Variants in C5orf34 observed in about 807,000 individuals in gnomAD.
C5orf34 encodes the protein chromosome 5 open reading frame 34.
A neutral mutation model predicts 78.4 loss-of-function variants in C5orf34; 73 were observed. The observed-to-expected ratio is 0.93, with a 90% CI of 0.77 to 1.13. The LOEUF (loss-of-function observed/expected upper bound fraction) is 1.13, where lower values mean the gene tolerates loss of function less well. Ranked by LOEUF, C5orf34 falls within the 50% of genes most tolerant of loss-of-function variation. The pLI, the probability that C5orf34 is intolerant of heterozygous loss-of-function variation, is 0.00. For synonymous variants in C5orf34, 251 were observed against 246.6 expected (o/e 1.02, Z -0.17); for missense variants, 730 against 732.7 (o/e 1.00, Z 0.04).
At chr5:43,506,497 TTG>T in intron 3 of C5orf34, 103 bp from the exon 4 acceptor site, 2 of 1,206,612 alleles carry the variant, frequency 1.7e-6, no homozygotes, top group South Asian at 1.7e-5. Flanking sequence ...TCTTAAATAT[TTG>T]TGTTTTACTA....
intron 6 of C5orf34, chr5:43,496,029 C>T: frequency 6.3e-7 from 1 of 1,591,502 alleles, no homozygotes; most frequent in Non-Finnish European, 8.5e-7. Context: ...TGTTTCACAC[C>T]CAGTGTGTAA....
intron 1 of C5orf34, among the ~76,000 whole-genome samples, chr5:43,513,218 A>G (rs1406866130): frequency 1.3e-5 from 2 of 152,178 alleles, no homozygotes; most frequent in African/African-American, 4.8e-5. Context: ...AGATTCACAC[A>G]CTTTTAATTA....
chr5:43,493,025 T>G (rs1163517689), intron 8 of C5orf34, 135 bp from the exon 9 acceptor site: 26 of 572,874 alleles, frequency 4.5e-5, no homozygotes, highest in Non-Finnish European at 6.7e-5. Flanking sequence ...TATTTTAATT[T>G]TTCCAGAAGT....
rs768654460 is a variant in C5orf34 at position 43,502,522 on chromosome 5, A to AT, written c.1029-28dup. ...TAAGAAATAGAAATAACCATTAAAA[A>AT]TTTTTTTCCACTTGAGATTAAAACA... is the stretch of plus-strand genomic sequence containing the variant. On this transcript the variant is annotated intron_variant, in intron 5 of 12. Coordinates refer to ENST00000306862, the MANE Select transcript of C5orf34 (RefSeq NM_198566.4). 20 of 1,437,534 alleles carry AT rather than the reference A, an allele frequency of 1.4e-5. No homozygotes were observed. In the Admixed American group the frequency reaches 3.8e-4, roughly 27 times the overall value. The allele number at this position is 1,437,534 out of a possible 1,614,324, so 89.0% of individuals were successfully genotyped here. A position where few individuals can be genotyped will look rare whatever the true frequency, so the allele number is the denominator to read the frequency against.
Position 43,492,324 on chromosome 5 carries a change from A to C in C5orf34, c.1486-15T>G, listed in dbSNP as rs755774169. Reference sequence around the variant, plus strand: ...CCTTGATTTACCTGAAGAAGTAGAAAGATAAGTTTTATCATTTTAGAACTG... The same window carrying C: ...CCTTGATTTACCTGAAGAAGTAGAACGATAAGTTTTATCATTTTAGAACTG... On this transcript the variant is annotated splice_polypyrimidine_tract_variant and intron_variant, in intron 9 of 12. Transcript: ENST00000306862. 2 of 1,523,524 alleles carry C rather than the reference A, an allele frequency of 1.3e-6. No individual in the cohort carries two copies. Among genetic ancestry groups the C allele is most frequent in the South Asian group, 2.3e-5 (2 of 86,680 alleles). 94.4% of individuals were successfully genotyped at this position (1,523,524 alleles called of 1,614,324 possible).
chr5:43,492,685 A>G (rs776916246), intron 9 of C5orf34, 35 bp downstream of exon 9: 17 of 1,542,716 alleles, frequency 1.1e-5, no homozygotes, highest in Non-Finnish European at 1.5e-5. Flanking sequence ...ACAGATTACC[A>G]ATAAAAAATA....
At chr5:43,503,579 G>T (rs903664832) in intron 5 of C5orf34, 86 bp downstream of exon 5, 27 of 887,138 alleles carry the variant, frequency 3.0e-5, no homozygotes, top group Non-Finnish European at 4.8e-5. Flanking sequence ...TCTTCTGAGA[G>T]TCTGTCTATA....
intron 1 of C5orf34, among the ~76,000 whole-genome samples, chr5:43,512,372 C>G (rs1029648123): frequency 1.3e-5 from 2 of 152,342 alleles, no homozygotes; most frequent in East Asian, 1.9e-4. Flanking sequence ...ATAAACAGCT[C>G]AAGTGTAGTA....
Position 43,501,322 on chromosome 5 carries a change from AT to A in C5orf34, c.1152+1049del, listed in dbSNP as rs1375204990. Among the ~76,000 whole-genome samples the A allele has an allele frequency of 2.0e-5, 3 of 148,584 alleles. No homozygotes were observed. In the East Asian group the frequency reaches 6.4e-4, roughly 31 times the overall value. On this transcript the variant is annotated intron_variant, in intron 6 of 12. Transcript: ENST00000306862. Reference sequence around the variant, plus strand: ...ATGTTACTGGGCATGCTTGTATCTCATTTGCTTGTTTGCCTGTCTAACTGAA... The same window carrying A: ...ATGTTACTGGGCATGCTTGTATCTCATTGCTTGTTTGCCTGTCTAACTGAA...
chr5:43,512,422 T>G (rs971002515), intron 1 of C5orf34, among the ~76,000 whole-genome samples: 1 of 152,250 alleles, frequency 6.6e-6, no homozygotes, highest in Admixed American at 6.5e-5. Flanking sequence ...AGTCTTCAAT[T>G]CACTGCAATC....
Position 43,492,726 on chromosome 5 carries a change from C to T in C5orf34, c.1479G>A (p.Lys493=), listed in dbSNP as rs1208949531. ...AAGTCTGAAGTATACCCACCTGTCTCTTCTCAATAGGAGAGCTGAAATTCC... is the reference window on the plus strand; with the variant it reads ...AAGTCTGAAGTATACCCACCTGTCTTTTCTCAATAGGAGAGCTGAAATTCC... ...LNWNFSSPIE[K]RQVNQGLNLG... Residue 493 remains lysine (K), a synonymous_variant, in exon 9 of 13, where the codon AAG becomes AAA. Coordinates refer to ENST00000306862, the MANE Select transcript of C5orf34 (RefSeq NM_198566.4). 1.2e-6 allele frequency: 2 copies of T among 1,611,552 alleles called. No individual in the cohort carries two copies. Among genetic ancestry groups the T allele is most frequent in the African/African-American group, 1.3e-5 (1 of 74,958 alleles).
At chr5:43,503,904 T>C (rs1326808229) in intron 4 of C5orf34, 144 bp from the exon 5 acceptor site, 1 of 588,864 alleles carries the variant, frequency 1.7e-6, no homozygotes, top group East Asian at 2.9e-5. Flanking sequence ...TGAAGGTATA[T>C]TAATGAAATG....
At position 43,496,074 on chromosome 5, in the gene C5orf34, T is replaced by C. The variant is rs180946183; in HGVS notation, c.1153-1473A>G. 131 of 1,569,868 alleles carry C rather than the reference T, an allele frequency of 8.3e-5. No homozygotes were observed. The African/African-American group carries it at 1.7e-3, about 20-fold the overall frequency. On this transcript the variant is annotated intron_variant, in intron 6 of 12. Coordinates refer to ENST00000306862, the MANE Select transcript of C5orf34 (RefSeq NM_198566.4). ...GCATGCTCTCAGGTCTGCCCATTCTTGGAGATACCAGTTTCAAATTCGCCA... is the reference window on the plus strand; with the variant it reads ...GCATGCTCTCAGGTCTGCCCATTCTCGGAGATACCAGTTTCAAATTCGCCA...
chr5:43,489,056 A>G (rs1745168633), intron 11 of C5orf34, among the ~76,000 whole-genome samples: 1 of 152,008 alleles, frequency 6.6e-6, no homozygotes, highest in South Asian at 2.1e-4. Flanking sequence ...ACTTGGATAC[A>G]ACTTACCCCA....
chr5:43,491,658 C>T (rs1745283967), intron 10 of C5orf34, among the ~76,000 whole-genome samples: 1 of 152,158 alleles, frequency 6.6e-6, no homozygotes, highest in African/African-American at 2.4e-5. Context: ...ATCAGTATGT[C>T]TATAACACAT....
chr5:43,511,551 C>T (rs766329876), intron 1 of C5orf34, among the ~76,000 whole-genome samples: 11 of 152,168 alleles, frequency 7.2e-5, no homozygotes, highest in Non-Finnish European at 1.3e-4. Flanking sequence ...TCATTAAGAA[C>T]GGGCCATGAT....
chr5:43,499,890 G>C (rs1374744867), intron 6 of C5orf34, among the ~76,000 whole-genome samples: 1 of 151,966 alleles, frequency 6.6e-6, no homozygotes, highest in Non-Finnish European at 1.5e-5. Flanking sequence ...CATTTATTTA[G>C]GTTGCTTCTG....
Position 43,506,319 on chromosome 5 carries a change from C to T in C5orf34, c.361G>A (p.Gly121Ser). Residue 121 changes from glycine (G) to serine (S), a missense_variant, in exon 4 of 13, where the codon GGC (glycine) becomes AGC (serine). Transcript: ENST00000306862. ...TCTAAAGATGTTATCTTCACAATGC[C>T]ACTCTCCATATATATCATGGTACCA... The part of the protein sequence containing the change: ...TDGTMIYMES[G>S]IVKITSLDGH... 1 of 1,614,030 alleles carries T rather than the reference C, an allele frequency of 6.2e-7. No homozygotes were observed. The highest frequency in any genetic ancestry group is 1.6e-4 in the Middle Eastern group (1 of 6,062).
At position 43,492,197 on chromosome 5, in the gene C5orf34, AAAATTGCTT is replaced by A. The variant is rs746055803; in HGVS notation, c.1580+9_1580+17del. On this transcript the variant is annotated intron_variant, in intron 10 of 12. Coordinates refer to ENST00000306862, the MANE Select transcript of C5orf34 (RefSeq NM_198566.4). Reference sequence around the variant, plus strand: ...AAAGTAAAACATAAAAATAATTTTTAAAATTGCTTTTCAGTACCTTTCATATGGTTCAGG... The same window carrying A: ...AAAGTAAAACATAAAAATAATTTTTATTCAGTACCTTTCATATGGTTCAGG... 17 of 1,516,418 alleles carry A rather than the reference AAAATTGCTT, an allele frequency of 1.1e-5. No homozygotes were observed. The South Asian group carries it at 1.2e-4, about 11-fold the overall frequency. The allele number at this position is 1,516,418 out of a possible 1,614,324, so 93.9% of individuals were successfully genotyped here. A position where few individuals can be genotyped will look rare whatever the true frequency, so the allele number is the denominator to read the frequency against.
Sources: gnomAD v4.1 joint callset for allele counts (sites outside exome capture counted in the v4.1 genomes callset) on GRCh38, gnomAD v4.1.1 for gene constraint, MANE v1.5 for transcripts, NCBI Gene and HGNC (gene_info 2026-07-23, HGNC 2026-07-21) for gene names.